PLXNB1: variants seen among roughly 807,000 people sequenced by gnomAD.
PLXNB1 encodes plexin-B1.
Under a neutral mutation model 209.4 loss-of-function variants are expected in PLXNB1, and 106 were observed. That is an observed-to-expected ratio of 0.51 (90% CI 0.43 to 0.59). PLXNB1 has a LOEUF of 0.59. Among genes scored for constraint, PLXNB1 ranks in the 20% least tolerant of loss-of-function variants. PLXNB1 has a pLI of 0.00. For synonymous variants in PLXNB1, 1,167 were observed against 1,183.2 expected (o/e 0.99, Z 0.28); for missense variants, 2,357 against 2,853.2 (o/e 0.83, Z 3.96).
rs2037340516 is a variant in PLXNB1 at position 48,406,826 on chromosome 3, G to C, written c.6225C>G (p.Ser2075=). 1.9e-6 allele frequency: 3 copies of C among 1,608,066 alleles called. No individual in the cohort carries two copies. Among genetic ancestry groups the C allele is most frequent in the Non-Finnish European group, 2.5e-6 (3 of 1,177,118 alleles). The part of the protein sequence containing the change: ...QEMNSVLAEL[S]WNYSGDLGAR... ...AAGAAGCAGAGGGAGGCCTTACCCA[G>C]GACAGTTCAGCCAGGACAGAGTTCA... The change falls in exon 36 of 38, where the codon TCC becomes TCG. Residue 2075 remains serine, a synonymous_variant. Transcript: ENST00000296440. The surrounding 1 kb of genome is among the most constrained non-coding windows in gnomAD (Gnocchi z 4.4).
At position 48,429,012 on chromosome 3, in the gene PLXNB1, C is replaced by G. The variant is rs1022070259; in HGVS notation, c.-60+996G>C. ...AGGGCGGGGAAGGGGCCGGCCGGTCCCCGGCGGCGACGGCGAGGAGGGGGC... is the reference window on the plus strand; with the variant it reads ...AGGGCGGGGAAGGGGCCGGCCGGTCGCCGGCGGCGACGGCGAGGAGGGGGC... On this transcript the variant is annotated intron_variant, in intron 1 of 37. Coordinates refer to ENST00000296440, the MANE Select transcript of PLXNB1 (RefSeq NM_001130082.3). The surrounding 1 kb of genome is among the most constrained non-coding windows in gnomAD (Gnocchi z 6.4). Among the ~76,000 whole-genome samples, 2 of 152,220 alleles carry G rather than the reference C, an allele frequency of 1.3e-5. No individual in the cohort carries two copies. The highest frequency in any genetic ancestry group is 6.5e-5 in the Admixed American group (1 of 15,292).
At position 48,410,049 on chromosome 3, in the gene PLXNB1, C is replaced by A; in HGVS notation, c.5634G>T (p.Glu1878Asp). The A allele has an allele frequency of 6.2e-7, 1 of 1,605,628 alleles. No homozygotes were observed. Among genetic ancestry groups the A allele is most frequent in the South Asian group, 1.1e-5 (1 of 90,336 alleles). ...CCAGGTGCCAGGGCCGGATGCCCCC[C>A]TCATCTACATCCTCCAGCATTGGGG... ...ERTPMLEDVD[E>D]GGIRPWHLVK... is the part of the protein sequence containing the mutation. Residue 1878 changes from glutamate (E) to aspartate (D), a missense_variant, in exon 32 of 38, where the codon GAG (glutamate) becomes GAT (aspartate). By Grantham distance (45) the Glu-to-Asp change is conservative (BLOSUM62 2). Coordinates refer to ENST00000296440, the MANE Select transcript of PLXNB1 (RefSeq NM_001130082.3). This position sits in a 1 kb window ranked among gnomAD's most constrained non-coding sequence, Gnocchi z 6.4.
chr3:48,418,162 A>C lies in PLXNB1; in HGVS notation c.3222+29T>G. ...CACCCTCCCTCTAAGGGCAGCACTG[A>C]GGAAGGGATGGCCAGCCTTTCAACA... is the stretch of plus-strand genomic sequence containing the variant. On this transcript the variant is annotated intron_variant, in intron 15 of 37. Transcript: ENST00000296440. The surrounding 1 kb of genome is among the most constrained non-coding windows in gnomAD (Gnocchi z 6.6). 3.7e-6 allele frequency: 6 copies of C among 1,611,364 alleles called. No individual in the cohort carries two copies. Among genetic ancestry groups the C allele is most frequent in the Non-Finnish European group, 5.1e-6 (6 of 1,179,030 alleles).
intron 1 of PLXNB1, among the ~76,000 whole-genome samples, chr3:48,428,137 C>T (rs2038991165): frequency 6.6e-6 from 1 of 152,210 alleles, no homozygotes; most frequent in Non-Finnish European, 1.5e-5. Flanking sequence ...ACCCCCATTT[C>T]ACACCCAAGA....
intron 27 of PLXNB1, 32 bp from the exon 28 acceptor site, chr3:48,412,041 G>A: frequency 6.2e-7 from 1 of 1,612,204 alleles, no homozygotes; most frequent in Non-Finnish European, 8.5e-7. Flanking sequence ...GGGCCCCCCA[G>A]CAGGTGGCAG....
chr3:48,408,339 G>A (rs763450364), intron 34 of PLXNB1, among the ~76,000 whole-genome samples: 1 of 152,120 alleles, frequency 6.6e-6, no homozygotes, highest in Non-Finnish European at 1.5e-5. Flanking sequence ...CAGAGGTGTA[G>A]GGATGTATCT....
rs754854103 is a variant in PLXNB1 at position 48,411,054 on chromosome 3, G to A, written c.5248-18C>T. The A allele has an allele frequency of 1.4e-4, 232 of 1,601,886 alleles. 5 individuals are homozygous for A. In the South Asian group the frequency reaches 2.1e-3, roughly 14 times the overall value. ...TTCAAGGTCTGTGCAGGACACACAGGAGCCATCAGGGTTCATGTGCACTCA... is the reference window on the plus strand; with the variant it reads ...TTCAAGGTCTGTGCAGGACACACAGAAGCCATCAGGGTTCATGTGCACTCA... On this transcript the variant is annotated intron_variant, in intron 28 of 37. Transcript: ENST00000296440. This position sits in a 1 kb window ranked among gnomAD's most constrained non-coding sequence, Gnocchi z 4.0.
chr3:48,421,743 C>T lies in PLXNB1; in HGVS notation c.1584G>A (p.Gln528=). 1 of 1,610,868 alleles carries T rather than the reference C, an allele frequency of 6.2e-7. No homozygotes were observed. Among genetic ancestry groups the T allele is most frequent in the Non-Finnish European group, 8.5e-7 (1 of 1,177,432 alleles). The part of the protein sequence containing the change: ...QGPEQWLWSF[Q]PELGCLQVAA... ...CCACTTGCAGACAGCCCAGCTCAGG[C>T]TGGAAGCTCCATAGCCACTGCTCTG... The change falls in exon 7 of 38, where the codon CAG becomes CAA. Residue 528 remains glutamine (Q), a synonymous_variant. Transcript: ENST00000296440.
At position 48,413,845 on chromosome 3, in the gene PLXNB1, G is replaced by C; in HGVS notation, c.4387-27C>G. The C allele has an allele frequency of 6.2e-7, 1 of 1,610,700 alleles. No homozygotes were observed. The highest frequency in any genetic ancestry group is 8.5e-7 in the Non-Finnish European group (1 of 1,177,616). On this transcript the variant is annotated intron_variant, in intron 22 of 37. Transcript: ENST00000296440. This position sits in a 1 kb window ranked among gnomAD's most constrained non-coding sequence, Gnocchi z 5.4. ...TGTGTCAGGAGCCACCTGTGAGCAA[G>C]GGTTTGGCCCAGGTCAATGCCCAGC...
At chr3:48,412,719 C>G in intron 25 of PLXNB1, 23 bp downstream of exon 25, 1 of 1,610,034 alleles carries the variant, frequency 6.2e-7, no homozygotes, top group Non-Finnish European at 8.5e-7. Flanking sequence ...AGGGGCAGGC[C>G]AGGAAGATGC....
chr3:48,410,214 GCCCTGAGGCCCAGAGGACCTT>G lies in PLXNB1; in HGVS notation c.5605+61_5605+81del. The G allele has an allele frequency of 6.9e-7, 1 of 1,453,674 alleles. No homozygotes were observed. The highest frequency in any genetic ancestry group is 2.0e-5 in the Admixed American group (1 of 49,480). The allele number at this position is 1,453,674 out of a possible 1,614,324, so 90.0% of individuals were successfully genotyped here. A position where few individuals can be genotyped will look rare whatever the true frequency, so the allele number is the denominator to read the frequency against. On this transcript the variant is annotated intron_variant, in intron 31 of 37. Transcript: ENST00000296440. This position sits in a 1 kb window ranked among gnomAD's most constrained non-coding sequence, Gnocchi z 6.4. Reference sequence around the variant, plus strand: ...GCCGAATGGAAATAGGCACAAGCCTGCCCTGAGGCCCAGAGGACCTTCCCCATGACTCCGGGCTGGGCACAG... The same window carrying G: ...GCCGAATGGAAATAGGCACAAGCCTGCCCCATGACTCCGGGCTGGGCACAG...
In PLXNB1 at chr3:48,413,432, A is replaced by G. The variant is rs1438559763; in HGVS notation, c.4535+238T>C. 5 of 602,342 alleles carry G rather than the reference A, an allele frequency of 8.3e-6. No individual in the cohort carries two copies. Among genetic ancestry groups the G allele is most frequent in the Non-Finnish European group, 1.5e-5 (5 of 342,244 alleles). 37.3% of individuals were successfully genotyped at this position (602,342 alleles called of 1,614,324 possible). On this transcript the variant is annotated intron_variant, in intron 23 of 37. Coordinates refer to ENST00000296440, the MANE Select transcript of PLXNB1 (RefSeq NM_001130082.3). The surrounding 1 kb of genome is among the most constrained non-coding windows in gnomAD (Gnocchi z 5.4). ...CAAATCCATCCCACAACCTATTTTT[A>G]TAAAGATTTGTTAGAACACAGCCAC...
intron 1 of PLXNB1, among the ~76,000 whole-genome samples, chr3:48,428,626 C>T (rs371393273): frequency 2.4e-4 from 36 of 152,328 alleles, no homozygotes; most frequent in African/African-American, 7.2e-4. Flanking sequence ...TTTCACCCTC[C>T]TGCTCAGCTC....
intron 1 of PLXNB1, among the ~76,000 whole-genome samples, chr3:48,426,804 A>C (rs1338050317): frequency 6.6e-6 from 1 of 152,214 alleles, no homozygotes; most frequent in Admixed American, 6.5e-5. Context: ...GGCAGCAGGG[A>C]AAGTCTCGAA....
Position 48,412,737 on chromosome 3 carries a change from G to A in PLXNB1, c.4854+5C>T. ...GGCAGGCCAGGAAGATGCAGCTGGGGGTACCTTGGTGAGGAAGAGCTTGCT... is the reference window on the plus strand; with the variant it reads ...GGCAGGCCAGGAAGATGCAGCTGGGAGTACCTTGGTGAGGAAGAGCTTGCT... On this transcript the variant is annotated splice_donor_5th_base_variant and intron_variant, in intron 25 of 37. Transcript: ENST00000296440. The A allele has an allele frequency of 2.5e-6, 4 of 1,611,552 alleles. No individual in the cohort carries two copies. Among genetic ancestry groups the A allele is most frequent in the Non-Finnish European group, 3.4e-6 (4 of 1,178,472 alleles).
intron 10 of PLXNB1, 104 bp from the exon 11 acceptor site, chr3:48,420,361 A>G (rs1034571500): frequency 1.4e-6 from 1 of 700,502 alleles, no homozygotes; most frequent in Non-Finnish European, 2.4e-6. Flanking sequence ...GAGACCAAGG[A>G]AAAGAGAAAT....
At position 48,415,385 on chromosome 3, in the gene PLXNB1, T is replaced by TTA. The variant is rs1197929474; in HGVS notation, c.3795-40_3795-39dup. On this transcript the variant is annotated intron_variant, in intron 19 of 37. Coordinates refer to ENST00000296440, the MANE Select transcript of PLXNB1 (RefSeq NM_001130082.3). The surrounding 1 kb of genome is among the most constrained non-coding windows in gnomAD (Gnocchi z 5.0). ...GTGAGCTTACGTAACGTAAGATGGC[T>TTA]TATGTTACCTGGACCTAAAGCACAG... 6.3e-7 allele frequency: 1 copy of TTA among 1,596,582 alleles called. No individual in the cohort carries two copies. Among genetic ancestry groups the TTA allele is most frequent in the African/African-American group, 1.3e-5 (1 of 74,570 alleles).
In PLXNB1 at chr3:48,416,231, A is replaced by T; in HGVS notation, c.3481-64T>A. 2 of 1,524,380 alleles carry T rather than the reference A, an allele frequency of 1.3e-6. No individual in the cohort carries two copies. The highest frequency in any genetic ancestry group is 1.8e-6 in the Non-Finnish European group (2 of 1,111,886). The allele number at this position is 1,524,380 out of a possible 1,614,324, so 94.4% of individuals were successfully genotyped here. A position where few individuals can be genotyped will look rare whatever the true frequency, so the allele number is the denominator to read the frequency against. ...GACACATGGAGGCAGGGACAGCCTG[A>T]GAGACAGGCTGGCCCAGGACTGGGA... On this transcript the variant is annotated intron_variant, in intron 17 of 37. Transcript: ENST00000296440. This position sits in a 1 kb window ranked among gnomAD's most constrained non-coding sequence, Gnocchi z 4.1.
rs1438790940 is a variant in PLXNB1, at chr3:48,411,788, C to G, written c.5247+75G>C. ...CCACATCAGAAGCTGGTGTCCAGAC[C>G]CCACACACCCACACACTCTCCACCC... On this transcript the variant is annotated intron_variant, in intron 28 of 37. Coordinates refer to ENST00000296440, the MANE Select transcript of PLXNB1 (RefSeq NM_001130082.3). This position sits in a 1 kb window ranked among gnomAD's most constrained non-coding sequence, Gnocchi z 4.0. 16 of 1,502,156 alleles carry G rather than the reference C, an allele frequency of 1.1e-5. No homozygotes were observed. The highest frequency in any genetic ancestry group is 1.5e-5 in the Non-Finnish European group (16 of 1,096,420). 93.1% of individuals were successfully genotyped at this position (1,502,156 alleles called of 1,614,324 possible).
Sources: allele counts gnomAD v4.1 joint callset (sites outside exome capture counted in the v4.1 genomes callset), GRCh38; gene constraint gnomAD v4.1.1; non-coding constraint Gnocchi (gnomAD v3.1); transcripts MANE v1.5; gene names NCBI Gene and HGNC (gene_info 2026-07-23, HGNC 2026-07-21).